The following GNA12 variants were observed in gnomAD, a reference collection of about 807,000 sequenced individuals.
The protein encoded by GNA12 is guanine nucleotide-binding protein subunit alpha-12.
A neutral mutation model predicts 26.0 loss-of-function variants in GNA12; 9 were observed. The observed-to-expected ratio is 0.35, with a 90% CI of 0.21 to 0.60. The LOEUF (loss-of-function observed/expected upper bound fraction) is 0.60, where lower values mean the gene tolerates loss of function less well. GNA12 is among the 20% of genes least tolerant of loss of function. The pLI is 0.78. For missense variants in GNA12, 405 were observed against 525.8 expected, an observed-to-expected ratio of 0.77 and a Z score of 2.25; for synonymous variants, 264 against 219.6, an observed-to-expected ratio of 1.20 and a Z score of -1.79.
intron 2 of GNA12, among the ~76,000 whole-genome samples, chr7:2,741,424 T>A (rs1417540174): frequency 6.6e-6 from 1 of 152,096 alleles, no homozygotes; most frequent in East Asian, 1.9e-4. Flanking sequence ...TCCAGAGGCT[T>A]CCACCACAGA....
intron 1 of GNA12, among the ~76,000 whole-genome samples, chr7:2,813,466 G>A (rs1353359691): frequency 6.6e-6 from 1 of 152,162 alleles, no homozygotes; most frequent in Non-Finnish European, 1.5e-5. Flanking sequence ...CTTGCGTAAG[G>A]GGACATCACT....
At chr7:2,794,881 TA>T in intron 2 of GNA12, 46 bp downstream of exon 2, 5 of 1,354,026 alleles carry the variant, frequency 3.7e-6, no homozygotes, top group Non-Finnish European at 5.3e-6. Flanking sequence ...AATAGTCATG[TA>T]AAAAACACAC....
At chr7:2,839,004 C>G (rs1165370726) in intron 1 of GNA12, among the ~76,000 whole-genome samples, 1 of 152,212 alleles carries the variant, frequency 6.6e-6, no homozygotes, top group Non-Finnish European at 1.5e-5. Flanking sequence ...CTCAACACCA[C>G]TATCAATCAA....
At chr7:2,823,887 A>G (rs1347682517) in intron 1 of GNA12, among the ~76,000 whole-genome samples, 2 of 152,226 alleles carry the variant, frequency 1.3e-5, no homozygotes, top group African/African-American at 4.8e-5. Context: ...TGCGCATTCT[A>G]GAAAACAGAG....
chr7:2,779,789 G>T (rs1011156853), intron 2 of GNA12, among the ~76,000 whole-genome samples: 7 of 151,600 alleles, frequency 4.6e-5, no homozygotes, highest in African/African-American at 1.7e-4. Flanking sequence ...GTAGAGATGG[G>T]GTTCTGCTGT....
chr7:2,780,048 G>GTGTATGTATATATA (rs748113158), intron 2 of GNA12, among the ~76,000 whole-genome samples: 2 of 84,734 alleles, frequency 2.4e-5, no homozygotes, highest in Admixed American at 2.3e-4. Flanking sequence ...ACATTTCTGT[G>GTGTATGTATATATA]TACATATATA....
At chr7:2,769,132 A>G (rs1259918135) in intron 2 of GNA12, among the ~76,000 whole-genome samples, 7 of 152,022 alleles carry the variant, frequency 4.6e-5, no homozygotes, top group Non-Finnish European at 1.0e-4. Context: ...TCGAACTCCT[A>G]ACCTCAAGTG....
intron 2 of GNA12, among the ~76,000 whole-genome samples, chr7:2,787,827 C>A (rs1792402871): frequency 6.6e-6 from 1 of 152,202 alleles, no homozygotes; most frequent in Admixed American, 6.5e-5. Flanking sequence ...GATTTGTGGT[C>A]ATCTTCTCAA....
At chr7:2,751,980 A>T (rs1004189187) in intron 2 of GNA12, among the ~76,000 whole-genome samples, 5 of 152,226 alleles carry the variant, frequency 3.3e-5, no homozygotes, top group Non-Finnish European at 7.3e-5. Context: ...AAGAGGAAGA[A>T]ATAATTTCCA....
chr7:2,739,136 C>T (rs940958923), intron 2 of GNA12, among the ~76,000 whole-genome samples: 1 of 152,226 alleles, frequency 6.6e-6, no homozygotes, highest in South Asian at 2.1e-4. Context: ...AAAGCACCAG[C>T]CCCCTTGCCT....
intron 2 of GNA12, among the ~76,000 whole-genome samples, chr7:2,785,997 G>A (rs1179545022): frequency 1.3e-5 from 2 of 152,238 alleles, no homozygotes; most frequent in Non-Finnish European, 2.9e-5. Context: ...AACCCAGGAG[G>A]TGAAGGTTGC....
intron 1 of GNA12, among the ~76,000 whole-genome samples, chr7:2,818,062 A>G (rs1207054834): frequency 6.6e-6 from 1 of 152,232 alleles, no homozygotes. Context: ...ACTATAACGT[A>G]TTAAAATTAA....
chr7:2,843,329 C>T (rs760601053), intron 1 of GNA12, among the ~76,000 whole-genome samples: 5 of 152,116 alleles, frequency 3.3e-5, no homozygotes, highest in South Asian at 2.1e-4. Flanking sequence ...CCCACTCCCA[C>T]GGTCCCCAGG....
In GNA12 at chr7:2,728,399, G is replaced by A. The variant is rs1789718835; in HGVS notation, c.*2782C>T. 6.6e-6 allele frequency: 1 copy of A among 152,042 alleles called. No homozygotes were observed. Among genetic ancestry groups the A allele is most frequent in the Middle Eastern group, 3.2e-3 (1 of 316 alleles). 9.4% of individuals were successfully genotyped at this position (152,042 alleles called of 1,614,324 possible). A position where few individuals can be genotyped will look rare whatever the true frequency, so the allele number is the denominator to read the frequency against. Reference sequence around the variant, plus strand: ...TTATTTTTCTTTTATCAAAGAAGTAGGAAAATTACAATAAGAATTCTAGAG... The same window carrying A: ...TTATTTTTCTTTTATCAAAGAAGTAAGAAAATTACAATAAGAATTCTAGAG... On this transcript the variant is annotated 3_prime_UTR_variant, in exon 4 of 4. Coordinates refer to ENST00000275364, the MANE Select transcript of GNA12 (RefSeq NM_007353.3).
At chr7:2,820,681 T>C (rs538996991) in intron 1 of GNA12, among the ~76,000 whole-genome samples, 2 of 152,360 alleles carry the variant, frequency 1.3e-5, no homozygotes, top group East Asian at 3.9e-4. Flanking sequence ...CCTGACTCAC[T>C]GACCACCCTG....
At chr7:2,799,085 C>CT (rs1411530046) in intron 1 of GNA12, among the ~76,000 whole-genome samples, 3 of 152,140 alleles carry the variant, frequency 2.0e-5, no homozygotes, top group African/African-American at 4.8e-5. Context: ...GCTCAAAGTT[C>CT]TTAGATGTGA....
At chr7:2,843,707 G>T (rs868744281) in intron 1 of GNA12, 146 bp downstream of exon 1, 9 of 431,434 alleles carry the variant, frequency 2.1e-5, no homozygotes, top group East Asian at 1.5e-4. Flanking sequence ...AATGGGTCGG[G>T]GGGGAGTGGG....
At chr7:2,733,387 T>G in intron 3 of GNA12, 64 bp downstream of exon 3, 1 of 1,309,110 alleles carries the variant, frequency 7.6e-7, no homozygotes, top group Non-Finnish European at 1.1e-6. Context: ...GTGGACTGCT[T>G]TGGTCTCTGG....
intron 1 of GNA12, among the ~76,000 whole-genome samples, chr7:2,797,492 C>T (rs1792706172): frequency 6.6e-6 from 1 of 151,606 alleles, no homozygotes; most frequent in Non-Finnish European, 1.5e-5. Flanking sequence ...TGCTATAATC[C>T]ATGTACCATA....
Sources: allele counts gnomAD v4.1 joint callset (sites outside exome capture counted in the v4.1 genomes callset), GRCh38; gene constraint gnomAD v4.1.1; transcripts MANE v1.5; gene names NCBI Gene and HGNC (gene_info 2026-07-23, HGNC 2026-07-21).